Variants in CHD2 observed in about 807,000 individuals in gnomAD.
CHD2 encodes the protein ATP-dependent chromatin remodeler CHD2.
CHD2 carries 28 observed loss-of-function variants against 243.9 expected under a neutral mutation model. The observed-to-expected ratio is 0.11, with a 90% CI of 0.09 to 0.16. The LOEUF (loss-of-function observed/expected upper bound fraction) is 0.16. Ranked by LOEUF, CHD2 falls within the 10% of genes least tolerant of loss-of-function variation. The pLI, the probability that CHD2 is intolerant of heterozygous loss-of-function variation, is 1.00. For missense variants in CHD2, 1,386 were observed against 2,209.8 expected, an observed-to-expected ratio of 0.63 and a Z score of 7.47; for synonymous variants, 775 against 779.0, an observed-to-expected ratio of 0.99 and a Z score of 0.09.
rs2054582397 is a variant in CHD2 at position 93,025,786 on chromosome 15, G to A, written c.*1081G>A. On this transcript the variant is annotated 3_prime_UTR_variant, in exon 39 of 39. Transcript: ENST00000394196. The stretch of plus-strand genomic sequence containing the variant: ...GGGGAAACTTTCAGTATTGCGCTAG[G>A]TCAACACTTCCTGCTGCATTTCCTT... 1 of 152,202 alleles carries A rather than the reference G, an allele frequency of 6.6e-6. No individual in the cohort carries two copies. Among genetic ancestry groups the A allele is most frequent in the Admixed American group, 6.5e-5 (1 of 15,278 alleles). The allele number at this position is 152,202 out of a possible 1,614,324, so 9.4% of individuals were successfully genotyped here. A position where few individuals can be genotyped will look rare whatever the true frequency, so the allele number is the denominator to read the frequency against.
chr15:92,903,762 T>G (rs1596361625), intron 2 of CHD2, among the ~76,000 whole-genome samples: 4 of 152,328 alleles, frequency 2.6e-5, no homozygotes, highest in South Asian at 4.1e-4. Context: ...TTCAGTGTGT[T>G]CTCCACGGCA....
chr15:93,005,352 C>T (rs983568745), intron 34 of CHD2, among the ~76,000 whole-genome samples: 2 of 152,086 alleles, frequency 1.3e-5, no homozygotes, highest in African/African-American at 4.8e-5. Flanking sequence ...CGATGGGGAG[C>T]GAGTGCATGG....
In CHD2 at chr15:92,925,045, C is replaced by T. The variant is rs562692044; in HGVS notation, c.294+493C>T. Among the ~76,000 whole-genome samples the T allele has an allele frequency of 4.6e-5, 7 of 152,276 alleles. No individual in the cohort carries two copies. In the East Asian group the frequency reaches 1.4e-3, roughly 29 times the overall value. ...TGAACTTCTGACCTCAGGTGATCCA[C>T]CTGCCTCGGCCTCCCAAAGTGCTGG... On this transcript the variant is annotated intron_variant, in intron 3 of 38. Transcript: ENST00000394196.
intron 27 of CHD2, 162 bp downstream of exon 27, chr15:92,991,679 A>G (rs1029741101): frequency 3.9e-6 from 2 of 507,024 alleles, no homozygotes; most frequent in South Asian, 3.2e-5. Flanking sequence ...CTGTTCATTC[A>G]TGTCTCTCTG....
chr15:93,017,962 A>G (rs76702842), intron 37 of CHD2, among the ~76,000 whole-genome samples: 1 of 152,198 alleles, frequency 6.6e-6, no homozygotes, highest in Non-Finnish European at 1.5e-5. Flanking sequence ...TTCTTACTAA[A>G]TACATTCTTT....
chr15:92,982,784 A>C (rs368694670), intron 24 of CHD2, among the ~76,000 whole-genome samples: 1 of 152,134 alleles, frequency 6.6e-6, no homozygotes. Flanking sequence ...CAAGGATGGA[A>C]TTGAGTGGGC....
chr15:92,918,927 C>T (rs1323088522), intron 2 of CHD2, among the ~76,000 whole-genome samples: 1 of 151,476 alleles, frequency 6.6e-6, no homozygotes, highest in African/African-American at 2.4e-5. Flanking sequence ...GGTGTGATCT[C>T]GGCTCACTGA....
intron 13 of CHD2, among the ~76,000 whole-genome samples, chr15:92,949,715 C>T (rs2053527098): frequency 6.6e-6 from 1 of 152,176 alleles, no homozygotes; most frequent in African/African-American, 2.4e-5. Flanking sequence ...CAAGTAGTTC[C>T]TAATTACTAA....
chr15:92,942,710 T>C (rs1196453687), intron 8 of CHD2, 133 bp from the exon 9 acceptor site: 2 of 623,748 alleles, frequency 3.2e-6, no homozygotes, highest in South Asian at 2.6e-5. Context: ...GTTTGTGAGT[T>C]TGTACTTATT....
At chr15:92,957,443 A>G (rs1312757417) in intron 16 of CHD2, among the ~76,000 whole-genome samples, 1 of 152,204 alleles carries the variant, frequency 6.6e-6, no homozygotes, top group Non-Finnish European at 1.5e-5. Context: ...CCCTTTAGAC[A>G]TCTTATCCCT....
chr15:92,913,708 C>G (rs946017562), intron 2 of CHD2, among the ~76,000 whole-genome samples: 1 of 152,062 alleles, frequency 6.6e-6, no homozygotes, highest in Non-Finnish European at 1.5e-5. Flanking sequence ...AAAAATTAGC[C>G]GGGTGTGGCA....
intron 6 of CHD2, among the ~76,000 whole-genome samples, chr15:92,938,891 T>C (rs2053311148): frequency 6.6e-6 from 1 of 152,210 alleles, no homozygotes; most frequent in African/African-American, 2.4e-5. Context: ...GTCTCTCAGG[T>C]AGTATTCCAG....
At chr15:92,989,703 C>G (rs940067334) in intron 26 of CHD2, among the ~76,000 whole-genome samples, 4 of 152,206 alleles carry the variant, frequency 2.6e-5, no homozygotes, top group Non-Finnish European at 5.9e-5. Flanking sequence ...TCTGCCTTAA[C>G]TTTCAGTTCC....
At chr15:92,984,822 C>G (rs781313825) in intron 25 of CHD2, among the ~76,000 whole-genome samples, 3 of 152,194 alleles carry the variant, frequency 2.0e-5, no homozygotes, top group Non-Finnish European at 2.9e-5. Context: ...CTTCAACTTT[C>G]AGAAAGTCAC....
At chr15:92,934,212 T>C (rs968481339) in intron 5 of CHD2, among the ~76,000 whole-genome samples, 5 of 152,220 alleles carry the variant, frequency 3.3e-5, no homozygotes, top group African/African-American at 1.2e-4. Flanking sequence ...TTACAGTTGA[T>C]TAGATTTGAT....
chr15:92,997,476 C>T lies in CHD2; in HGVS notation c.3885+73C>T, dbSNP rs926796790. 2.9e-6 allele frequency: 4 copies of T among 1,368,954 alleles called. No homozygotes were observed. In the African/African-American group the frequency reaches 4.5e-5, roughly 15 times the overall value. The allele number at this position is 1,368,954 out of a possible 1,614,324, so 84.8% of individuals were successfully genotyped here. On this transcript the variant is annotated intron_variant, in intron 30 of 38. Transcript: ENST00000394196. This position sits in a 1 kb window ranked among gnomAD's most constrained non-coding sequence, Gnocchi z 4.1. ...ATATTTTTATATCGATTACTTATTT[C>T]TAACTATTTTCGAGGGGGCATCAAA...
intron 34 of CHD2, 49 bp from the exon 35 acceptor site, chr15:93,009,096 C>CTTATTT: frequency 1.3e-6 from 2 of 1,591,152 alleles, no homozygotes; most frequent in Non-Finnish European, 1.7e-6. Flanking sequence ...AAGGACAAGA[C>CTTATTT]TTACTTTCTG....
chr15:92,972,240 A>T, intron 18 of CHD2, 25 bp from the exon 19 acceptor site: 1 of 1,596,240 alleles, frequency 6.3e-7, no homozygotes, highest in Non-Finnish European at 8.5e-7. Context: ...CAACATAATT[A>T]TTGGAATGTC....
At chr15:92,925,384 C>T (rs894525822) in intron 3 of CHD2, among the ~76,000 whole-genome samples, 14 of 152,070 alleles carry the variant, frequency 9.2e-5, no homozygotes, top group South Asian at 8.3e-4. Flanking sequence ...ACTTAGATAT[C>T]GGCTCTCAAA....
Sources: gnomAD v4.1 joint callset for allele counts (sites outside exome capture counted in the v4.1 genomes callset) on GRCh38, gnomAD v4.1.1 for gene constraint, Gnocchi (gnomAD v3.1) non-coding constraint, MANE v1.5 for transcripts, NCBI Gene and HGNC (gene_info 2026-07-23, HGNC 2026-07-21) for gene names.